Variants in GART observed in about 807,000 individuals in gnomAD.
GART encodes trifunctional purine biosynthetic protein adenosine-3.
In GART, 43 loss-of-function variants were observed where a neutral mutation model predicts 107.2. The ratio of observed to expected loss-of-function variants is 0.40; its 90% CI spans 0.31 to 0.52. The LOEUF (loss-of-function observed/expected upper bound fraction) is 0.52. GART is among the 20% of genes least tolerant of loss of function. The probability of loss-of-function intolerance (pLI) is 0.52; values close to 1 mark genes in which losing one functional copy is unlikely to be tolerated. For synonymous variants in GART, 434 were observed against 427.0 expected (o/e 1.02, Z -0.20); for missense variants, 1,107 against 1,206.5 (o/e 0.92, Z 1.22).
chr21:33,526,169 G>C (rs1433506503), intron 10 of GART, among the ~76,000 whole-genome samples: 3 of 150,882 alleles, frequency 2.0e-5, no homozygotes, highest in Non-Finnish European at 4.4e-5. Context: ...GCCCAGCCGG[G>C]AACTTCCTTT....
In GART at chr21:33,532,407, T is replaced by C; in HGVS notation, c.466A>G (p.Lys156Glu). Residue 156 changes from lysine (K) to glutamate (E), a missense_variant, in exon 5 of 22, where the codon AAA becomes GAA. Coordinates refer to ENST00000381815, the MANE Select transcript of GART (RefSeq NM_000819.5). ...VVKASGLAAG[K>E]GVIVAKSKEE... is the part of the protein sequence containing the mutation. ...TTGCTCTTTGCAACAATCACCCCTT[T>C]TCCAGCTGCAAGACCACTGGCCTTC... is the stretch of plus-strand genomic sequence containing the variant. The C allele has an allele frequency of 1.2e-6, 2 of 1,614,096 alleles. No homozygotes were observed. The highest frequency in any genetic ancestry group is 1.7e-6 in the Non-Finnish European group (2 of 1,180,020).
At chr21:33,519,307 A>G (rs1601193159) in intron 14 of GART, among the ~76,000 whole-genome samples, 1 of 152,244 alleles carries the variant, frequency 6.6e-6, no homozygotes, top group South Asian at 2.1e-4. Context: ...TAATCCCAGC[A>G]CTTTGGGAGG....
intron 4 of GART, among the ~76,000 whole-genome samples, chr21:33,534,027 G>A (rs1472221073): frequency 6.6e-6 from 1 of 152,126 alleles, no homozygotes; most frequent in African/African-American, 2.4e-5. Context: ...TATTAAAAAT[G>A]TCATCTTCCT....
Position 33,503,959 on chromosome 21 carries a change from T to C in GART, c.*165A>G. 1.8e-6 allele frequency: 1 copy of C among 566,538 alleles called. No homozygotes were observed. Among genetic ancestry groups the C allele is most frequent in the Non-Finnish European group, 3.0e-6 (1 of 332,986 alleles). 35.1% of individuals were successfully genotyped at this position (566,538 alleles called of 1,614,324 possible). On this transcript the variant is annotated 3_prime_UTR_variant, in exon 22 of 22. Coordinates refer to ENST00000381815, the MANE Select transcript of GART (RefSeq NM_000819.5). ...CTCAGATATGCTGCACTAACTAGTC[T>C]TGTTTTTAGTGAGTCTCTATTTATT...
intron 17 of GART, 200 bp from the exon 18 acceptor site, chr21:33,510,120 T>A (rs2084758268): frequency 3.7e-6 from 2 of 540,594 alleles, no homozygotes; most frequent in Non-Finnish European, 6.5e-6. Context: ...ACATATGTAA[T>A]TACTTCAACT....
At chr21:33,526,166 C>A (rs578232470) in intron 10 of GART, among the ~76,000 whole-genome samples, 1 of 151,222 alleles carries the variant, frequency 6.6e-6, no homozygotes, top group African/African-American at 2.4e-5. Context: ...TGCGCCCAGC[C>A]GGGAACTTCC....
At chr21:33,531,126 A>G (rs1162511798) in intron 6 of GART, 1 of 394,516 alleles carries the variant, frequency 2.5e-6, no homozygotes, top group Non-Finnish European at 4.4e-6. Context: ...CTACTCTCAA[A>G]GTAAAAGATT....
rs1181059252 is a variant in GART at position 33,535,318 on chromosome 21, T to C, written c.148A>G (p.Ile50Val). The stretch of plus-strand genomic sequence containing the variant: ...AGGGCAGTGTGGTCACTGATTGAGA[T>C]GGCTGTAAACAGAAAAAAAAAAAAA... The part of the protein sequence containing the change: ...ACSEKISNTA[I>V]SISDHTALAQ... The change falls in exon 3 of 22, where the codon ATC becomes GTC. Residue 50 changes from isoleucine (I) to valine (V), a missense_variant and splice_region_variant. Transcript: ENST00000381815. The C allele has an allele frequency of 1.1e-6, 1 of 912,246 alleles. No homozygotes were observed. The highest frequency in any genetic ancestry group is 1.5e-5 in the South Asian group (1 of 67,912). The allele number at this position is 912,246 out of a possible 1,614,324, so 56.5% of individuals were successfully genotyped here. A position where few individuals can be genotyped will look rare whatever the true frequency, so the allele number is the denominator to read the frequency against.
At chr21:33,528,782 A>C in intron 8 of GART, 68 bp downstream of exon 8, 1 of 1,264,726 alleles carries the variant, frequency 7.9e-7, no homozygotes. Context: ...AGGGAATGGA[A>C]AATAAGTTTT....
At chr21:33,520,271 T>G in intron 14 of GART, 93 bp downstream of exon 14, 2 of 1,047,794 alleles carry the variant, frequency 1.9e-6, no homozygotes, top group Non-Finnish European at 2.9e-6. Context: ...ACAGTCTCTC[T>G]TGCTAGCTAC....
intron 10 of GART, among the ~76,000 whole-genome samples, chr21:33,527,032 T>A (rs1233136315): frequency 6.6e-6 from 1 of 152,234 alleles, no homozygotes; most frequent in African/African-American, 2.4e-5. Context: ...CTGGCAGAAC[T>A]ATTATACACT....
chr21:33,509,580 A>G, intron 18 of GART: 1 of 420,884 alleles, frequency 2.4e-6, no homozygotes, highest in Non-Finnish European at 4.1e-6. Flanking sequence ...GCTTTCTGAC[A>G]TCCTTTACTT....
chr21:33,507,427 T>C (rs754929024), intron 18 of GART, among the ~76,000 whole-genome samples: 53 of 152,254 alleles, frequency 3.5e-4, no homozygotes, highest in Non-Finnish European at 6.5e-4. Context: ...GGAGAGGGGA[T>C]GCTAATGGGT....
At position 33,528,756 on chromosome 21, in the gene GART, T is replaced by TTA. The variant is rs2085124373; in HGVS notation, c.811+93_811+94insTA. ...TAAAAAATGGTCCATTAAAAAGTGG[T>TTA]AAAAAAAAAAAAAAAAGGGAATGGA... On this transcript the variant is annotated intron_variant, in intron 8 of 21. Coordinates refer to ENST00000381815, the MANE Select transcript of GART (RefSeq NM_000819.5). The TTA allele has an allele frequency of 6.2e-6, 5 of 802,190 alleles. No individual in the cohort carries two copies. In the Admixed American group the frequency reaches 1.0e-4, roughly 17 times the overall value. 49.7% of individuals were successfully genotyped at this position (802,190 alleles called of 1,614,324 possible). A position where few individuals can be genotyped will look rare whatever the true frequency, so the allele number is the denominator to read the frequency against.
rs2084898654 is a variant in GART, at chr21:33,517,436, G to A, written c.1875C>T (p.Ser625=). The A allele has an allele frequency of 6.2e-7, 1 of 1,614,024 alleles. No homozygotes were observed. Among genetic ancestry groups the A allele is most frequent in the Admixed American group, 1.7e-5 (1 of 59,996 alleles). Residue 625 remains serine (S), a synonymous_variant, in exon 15 of 22, where the codon AGC becomes AGT. Coordinates refer to ENST00000381815, the MANE Select transcript of GART (RefSeq NM_000819.5). The stretch of plus-strand genomic sequence containing the variant: ...ATTTTGCCACGATTTTCCTCACAAG[G>A]CTAAATCCATTGCTATGAAGACCAG... ...ASSGLHSNGF[S]LVRKIVAKSS...
chr21:33,514,202 G>C (rs2145695151), intron 16 of GART, among the ~76,000 whole-genome samples: 1 of 152,126 alleles, frequency 6.6e-6, no homozygotes, highest in Non-Finnish European at 1.5e-5. Flanking sequence ...CAGGACGTTG[G>C]GGCAATAGTG....
chr21:33,534,943 C>G (rs2085275553), intron 3 of GART, among the ~76,000 whole-genome samples, 190 bp from the exon 4 acceptor site: 1 of 152,090 alleles, frequency 6.6e-6, no homozygotes, highest in Non-Finnish European at 1.5e-5. Flanking sequence ...TCAAATCTAT[C>G]AAAAGTTGTT....
At chr21:33,514,231 G>C (rs1316144869) in intron 16 of GART, among the ~76,000 whole-genome samples, 2 of 152,114 alleles carry the variant, frequency 1.3e-5, no homozygotes, top group Non-Finnish European at 2.9e-5. Flanking sequence ...TCGCACCACG[G>C]AACTCCAGTT....
chr21:33,511,753 G>A lies in GART; in HGVS notation c.2108-295C>T, dbSNP rs769301178. Among the ~76,000 whole-genome samples, 52 of 152,228 alleles carry A rather than the reference G, an allele frequency of 3.4e-4. 1 individual carries two copies. The highest frequency in any genetic ancestry group is 3.9e-4 in the Admixed American group (6 of 15,290). ...TAATGGATCAGATGAGCTAGTAGCT[G>A]AATTCCAGCAAAGGCCAGTATACCA... On this transcript the variant is annotated intron_variant, in intron 16 of 21. Coordinates refer to ENST00000381815, the MANE Select transcript of GART (RefSeq NM_000819.5).
Sources: gnomAD v4.1 joint callset for allele counts (sites outside exome capture counted in the v4.1 genomes callset) on GRCh38, gnomAD v4.1.1 for gene constraint, MANE v1.5 for transcripts, NCBI Gene and HGNC (gene_info 2026-07-23, HGNC 2026-07-21) for gene names.